OXNAD1: variants seen among roughly 807,000 people sequenced by gnomAD.
OXNAD1 encodes oxidoreductase NAD-binding domain-containing protein 1.
OXNAD1 carries 34 observed loss-of-function variants against 32.9 expected under a neutral mutation model. That is an observed-to-expected ratio of 1.03 (90% CI 0.79 to 1.38). The LOEUF (loss-of-function observed/expected upper bound fraction) is 1.38. Ranked by LOEUF, OXNAD1 falls within the 40% of genes most tolerant of loss-of-function variation. The probability of loss-of-function intolerance (pLI) is 0.00; values close to 1 mark genes in which losing one functional copy is unlikely to be tolerated. For missense variants in OXNAD1, 407 were observed against 379.4 expected, an observed-to-expected ratio of 1.07 and a Z score of -0.60; for synonymous variants, 134 against 135.2, an observed-to-expected ratio of 0.99 and a Z score of 0.06.
In OXNAD1 at chr3:16,316,876, G is replaced by A. The variant is rs552983670; in HGVS notation, c.*30+13284G>A. ...GCTCTCTGACTTCCTCAGCATCCCC[G>A]TCCCTGGCATCCTCTCCAGGATTGG... On this transcript the variant is annotated intron_variant, in intron 9 of 9. Transcript: ENST00000435829. The surrounding 1 kb of genome is among the most constrained non-coding windows in gnomAD (Gnocchi z 4.5). The A allele has an allele frequency of 2.4e-5, 39 of 1,613,948 alleles. No homozygotes were observed. In the East Asian group the frequency reaches 3.8e-4, roughly 16 times the overall value.
At position 16,346,388 on chromosome 3, in the gene OXNAD1, A is replaced by G. The variant is rs1019077741; in HGVS notation, c.*31-2788A>G. The G allele has an allele frequency of 2.6e-5, 4 of 152,216 alleles. No homozygotes were observed. Among genetic ancestry groups the G allele is most frequent in the Non-Finnish European group, 4.4e-5 (3 of 68,040 alleles). The allele number at this position is 152,216 out of a possible 1,614,324, so 9.4% of individuals were successfully genotyped here. ...TATGGCTGTCTGAGAAAATAGGACAATTGAGTTTATGGAAGAAAAAAGTGC... is the reference window on the plus strand; with the variant it reads ...TATGGCTGTCTGAGAAAATAGGACAGTTGAGTTTATGGAAGAAAAAAGTGC... On this transcript the variant is annotated intron_variant, in intron 9 of 9. Coordinates refer to the OXNAD1 transcript ENST00000606098. This position sits in a 1 kb window ranked among gnomAD's most constrained non-coding sequence, Gnocchi z 4.4.
chr3:16,343,784 G>A (rs1035929555), intron 9 of OXNAD1, among the ~76,000 whole-genome samples: 3 of 152,182 alleles, frequency 2.0e-5, no homozygotes, highest in African/African-American at 7.2e-5. Context: ...AGGAATGGCT[G>A]GTCCCTGACT....
chr3:16,310,902 A>C (rs7629910), downstream of OXNAD1, among the ~76,000 whole-genome samples: 2 of 147,126 alleles, frequency 1.4e-5, no homozygotes, highest in Non-Finnish European at 3.0e-5. Context: ...AGGCAAGAGA[A>C]TTGCTTGAAC....
rs79463850 is a variant in OXNAD1 at position 16,336,663 on chromosome 3, AT to A, written c.*31-437del. ...GCTTTCATAATGTTCAAAGAGAATA[AT>A]TTTTTTTTTTTAAAAAAGCTTAGTT... On this transcript the variant is annotated intron_variant, in intron 9 of 9. Coordinates refer to the OXNAD1 transcript ENST00000435829. This position sits in a 1 kb window ranked among gnomAD's most constrained non-coding sequence, Gnocchi z 6.0. Among the ~76,000 whole-genome samples the A allele has an allele frequency of 1.8e-3, 263 of 149,586 alleles. No individual in the cohort carries two copies. The highest frequency in any genetic ancestry group is 5.7e-3 in the African/African-American group (235 of 40,926).
In OXNAD1 at chr3:16,314,670, G is replaced by A. The variant is rs986268451; in HGVS notation, c.*30+11078G>A. The A allele has an allele frequency of 2.6e-5, 4 of 151,674 alleles. No homozygotes were observed. The highest frequency in any genetic ancestry group is 9.8e-5 in the African/African-American group (4 of 40,916). The allele number at this position is 151,674 out of a possible 1,614,324, so 9.4% of individuals were successfully genotyped here. Reference sequence around the variant, plus strand: ...TAGGAACTGTTAGCCTGACACTAGGGCCAAACTCTCTTGAGGAATTCAAAT... The same window carrying A: ...TAGGAACTGTTAGCCTGACACTAGGACCAAACTCTCTTGAGGAATTCAAAT... On this transcript the variant is annotated intron_variant, in intron 9 of 9. Coordinates refer to the OXNAD1 transcript ENST00000435829. This position sits in a 1 kb window ranked among gnomAD's most constrained non-coding sequence, Gnocchi z 4.4.
chr3:16,309,137 CTCTT>C (rs765613828), downstream of OXNAD1, among the ~76,000 whole-genome samples: 271 of 152,242 alleles, frequency 1.8e-3, 1 homozygote, highest in Middle Eastern at 0.027. Context: ...AACTATGTCT[CTCTT>C]TCTTTTAATA....
intron 1 of OXNAD1, among the ~76,000 whole-genome samples, chr3:16,268,792 T>G (rs1271820754): frequency 6.6e-6 from 1 of 152,162 alleles, no homozygotes; most frequent in African/African-American, 2.4e-5. Context: ...TTTAACAATA[T>G]AGTGGTTAAA....
chr3:16,340,521 A>T (rs1355952074), downstream of OXNAD1, among the ~76,000 whole-genome samples: 1 of 152,268 alleles, frequency 6.6e-6, no homozygotes, highest in East Asian at 1.9e-4. Flanking sequence ...CTAAAGAATC[A>T]TGAGCTAATA....
rs2066381017 is a variant in OXNAD1 at position 16,290,818 on chromosome 3, TA to T, written c.291-4037del. Among the ~76,000 whole-genome samples, 1 of 152,210 alleles carries T rather than the reference TA, an allele frequency of 6.6e-6. No homozygotes were observed. Among genetic ancestry groups the T allele is most frequent in the Non-Finnish European group, 1.5e-5 (1 of 68,036 alleles). ...TGTAAGGCCATAGACTGCAGGAGAA[TA>T]TTTTTTTAAGGTCATAGATCAGATT... On this transcript the variant is annotated intron_variant, in intron 5 of 8. Coordinates refer to ENST00000285083, the MANE Select transcript of OXNAD1 (RefSeq NM_138381.5). The surrounding 1 kb of genome is among the most constrained non-coding windows in gnomAD (Gnocchi z 4.2).
chr3:16,292,456 G>A (rs1444888268), intron 5 of OXNAD1, among the ~76,000 whole-genome samples: 1 of 152,136 alleles, frequency 6.6e-6, no homozygotes, highest in Non-Finnish European at 1.5e-5. Context: ...GCCTCCCAAA[G>A]TGCTGGGATT....
At chr3:16,268,123 G>C (rs960005047) in intron 1 of OXNAD1, among the ~76,000 whole-genome samples, 10 of 151,948 alleles carry the variant, frequency 6.6e-5, no homozygotes, top group Admixed American at 5.9e-4. Context: ...TTACAGTATG[G>C]AACCGCCGGA....
chr3:16,294,785 G>T, intron 5 of OXNAD1, 71 bp from the exon 6 acceptor site: 1 of 1,459,898 alleles, frequency 6.8e-7, no homozygotes, highest in Non-Finnish European at 9.3e-7. Context: ...GCAAAGGTTT[G>T]TCAATTCTGT....
At chr3:16,343,310 T>G (rs139327022) in intron 9 of OXNAD1, among the ~76,000 whole-genome samples, 222 of 152,332 alleles carry the variant, frequency 1.5e-3, no homozygotes, top group African/African-American at 5.1e-3. Context: ...CCACTTCCTC[T>G]GCTAAAGAGT....
intron 4 of OXNAD1, among the ~76,000 whole-genome samples, chr3:16,279,702 A>G (rs924398132): frequency 2.4e-4 from 36 of 152,088 alleles, no homozygotes; most frequent in African/African-American, 8.5e-4. Context: ...AAGTATTTCA[A>G]GAAAGAGAGA....
chr3:16,303,337 G>A lies in OXNAD1; in HGVS notation c.785-71G>A, dbSNP rs1252001917. On this transcript the variant is annotated intron_variant, in intron 8 of 8. Coordinates refer to ENST00000285083, the MANE Select transcript of OXNAD1 (RefSeq NM_138381.5). This position sits in a 1 kb window ranked among gnomAD's most constrained non-coding sequence, Gnocchi z 4.8. ...GAAATAAACACTGTATCTGAATTGT[G>A]GTTAGTCCTTCCTCATTTGCTGATA... 9 of 1,520,406 alleles carry A rather than the reference G, an allele frequency of 5.9e-6. No individual in the cohort carries two copies. Among genetic ancestry groups the A allele is most frequent in the African/African-American group, 5.5e-5 (4 of 72,414 alleles). 94.2% of individuals were successfully genotyped at this position (1,520,406 alleles called of 1,614,324 possible). A position where few individuals can be genotyped will look rare whatever the true frequency, so the allele number is the denominator to read the frequency against.
downstream of OXNAD1, among the ~76,000 whole-genome samples, chr3:16,337,843 C>T (rs539112697): frequency 4.6e-5 from 7 of 152,236 alleles, no homozygotes; most frequent in African/African-American, 1.7e-4. The surrounding 1 kb of genome is among the most constrained non-coding windows in gnomAD (Gnocchi z 5.0). Context: ...TGTCACCACA[C>T]TCAAGGCTGG....
At chr3:16,294,799 A>G (rs2066661065) in intron 5 of OXNAD1, 57 bp from the exon 6 acceptor site, 3 of 1,534,182 alleles carry the variant, frequency 2.0e-6, no homozygotes, top group Non-Finnish European at 2.6e-6. Context: ...ATTCTGTTTA[A>G]TTTACCAATT....
Position 16,301,725 on chromosome 3 carries a change from G to A in OXNAD1, c.532G>A (p.Gly178Arg). Residue 178 changes from glycine (G) to arginine (R), a missense_variant, in exon 7 of 9, where the codon GGA becomes AGA. Gly to Arg is a moderately radical substitution (Grantham distance 125). Coordinates refer to ENST00000285083, the MANE Select transcript of OXNAD1 (RefSeq NM_138381.5). This position sits in a 1 kb window ranked among gnomAD's most constrained non-coding sequence, Gnocchi z 4.1. The part of the protein sequence containing the change: ...ASRNLVLIAG[G>R]VGINPLLSIL... Reference sequence around the variant, plus strand: ...TAGAAACCTCGTGTTGATTGCAGGAGGAGTCGGAATTAACCCTCTGCTTTC... The same window carrying A: ...TAGAAACCTCGTGTTGATTGCAGGAAGAGTCGGAATTAACCCTCTGCTTTC... 1 of 1,614,060 alleles carries A rather than the reference G, an allele frequency of 6.2e-7. No homozygotes were observed. Among genetic ancestry groups the A allele is most frequent in the Non-Finnish European group, 8.5e-7 (1 of 1,179,994 alleles).
intron 1 of OXNAD1, among the ~76,000 whole-genome samples, chr3:16,267,733 T>G (rs1165495775): frequency 6.6e-6 from 1 of 152,234 alleles, no homozygotes; most frequent in Non-Finnish European, 1.5e-5. Flanking sequence ...CTACTATCTG[T>G]CTCTGGAACT....
Sources: allele counts gnomAD v4.1 joint callset (sites outside exome capture counted in the v4.1 genomes callset), GRCh38; gene constraint gnomAD v4.1.1; non-coding constraint Gnocchi (gnomAD v3.1); transcripts MANE v1.5; gene names NCBI Gene and HGNC (gene_info 2026-07-23, HGNC 2026-07-21).